CFDP1: variants seen among roughly 807,000 people sequenced by gnomAD.
CFDP1 encodes heterochromatin-stabilizing protein CFDP1.
CFDP1 carries 31 observed loss-of-function variants against 40.1 expected under a neutral mutation model. The observed-to-expected ratio is 0.77, with a 90% CI of 0.58 to 1.04. The LOEUF (loss-of-function observed/expected upper bound fraction) is 1.04. Among genes scored for constraint, CFDP1 ranks in the 50% least tolerant of loss-of-function variants. The pLI, the probability that CFDP1 is intolerant of heterozygous loss-of-function variation, is 0.00. For missense variants in CFDP1, 423 were observed against 343.4 expected (o/e 1.23, Z -1.83); for synonymous variants, 167 against 120.0 (o/e 1.39, Z -2.56).
chr16:75,364,794 C>T (rs572634761), intron 5 of CFDP1, among the ~76,000 whole-genome samples: 55 of 152,272 alleles, frequency 3.6e-4, no homozygotes, highest in African/African-American at 1.3e-3. Context: ...TTAATTTCTA[C>T]TACTGTAAAT....
intron 1 of CFDP1, among the ~76,000 whole-genome samples, chr16:75,424,459 G>A (rs2079311696): frequency 6.6e-6 from 1 of 152,162 alleles, no homozygotes; most frequent in African/African-American, 2.4e-5. Context: ...TCCCCCTTAA[G>A]ATTGGGAAAA....
At chr16:75,397,155 C>T (rs532465692) in intron 4 of CFDP1, among the ~76,000 whole-genome samples, 1 of 151,812 alleles carries the variant, frequency 6.6e-6, no homozygotes, top group Admixed American at 6.5e-5. Flanking sequence ...ACCTTGTGAT[C>T]TGCCCGCCTT....
chr16:75,397,307 G>C (rs1443681546), intron 4 of CFDP1, among the ~76,000 whole-genome samples: 3 of 151,530 alleles, frequency 2.0e-5, no homozygotes, highest in Non-Finnish European at 4.4e-5. Context: ...TTGAGGTCAG[G>C]AGTTCGAGAC....
At chr16:75,338,246 A>G (rs989903782) in intron 5 of CFDP1, among the ~76,000 whole-genome samples, 68 of 152,124 alleles carry the variant, frequency 4.5e-4, no homozygotes, top group Admixed American at 4.0e-3. Flanking sequence ...CATGGGGGGG[A>G]AAAAGAGCCT....
At chr16:75,370,730 C>T (rs944520665) in intron 5 of CFDP1, among the ~76,000 whole-genome samples, 2 of 152,046 alleles carry the variant, frequency 1.3e-5, no homozygotes, top group African/African-American at 2.4e-5. Context: ...GGTGTGGTGG[C>T]ATGTGCCTGT....
At chr16:75,318,070 G>T (rs904316734) in intron 5 of CFDP1, among the ~76,000 whole-genome samples, 12 of 152,046 alleles carry the variant, frequency 7.9e-5, no homozygotes, top group African/African-American at 2.9e-4. Flanking sequence ...GCAGTGTGCC[G>T]AGATCGCGCC....
At chr16:75,402,333 A>T (rs4888409) in intron 4 of CFDP1, among the ~76,000 whole-genome samples, 78,770 of 152,012 alleles carry the variant, frequency 0.52, 21,486 homozygotes, top group Admixed American at 0.64. Context: ...AAAGTCTTTA[A>T]TTGGGCAGAA....
chr16:75,346,083 G>T (rs1264718322), intron 5 of CFDP1, among the ~76,000 whole-genome samples: 4 of 152,228 alleles, frequency 2.6e-5, no homozygotes, highest in African/African-American at 9.6e-5. Context: ...TACTCCCAAT[G>T]CATCTCCCAT....
At chr16:75,381,081 A>C (rs1378997017) in intron 5 of CFDP1, 1 of 152,228 alleles carries the variant, frequency 6.6e-6, no homozygotes, top group Admixed American at 6.5e-5. Context: ...TACAGACTTT[A>C]TGTAAACTTA....
intron 1 of CFDP1, among the ~76,000 whole-genome samples, chr16:75,428,254 T>G (rs368615464): frequency 6.6e-6 from 1 of 152,026 alleles, no homozygotes; most frequent in African/African-American, 2.4e-5. Context: ...TTTTATTGTA[T>G]GTAAGTTAAA....
At chr16:75,346,457 C>CT (rs374487781) in intron 5 of CFDP1, among the ~76,000 whole-genome samples, 287 of 151,612 alleles carry the variant, frequency 1.9e-3, no homozygotes, top group African/African-American at 6.3e-3. Context: ...GTGGTGGGTG[C>CT]TTGTAGTCCC....
intron 5 of CFDP1, among the ~76,000 whole-genome samples, chr16:75,364,121 AAAACAAAAC>A (rs1273301599): frequency 6.6e-6 from 1 of 152,080 alleles, no homozygotes; most frequent in African/African-American, 2.4e-5. Flanking sequence ...TGAAATTAAA[AAAACAAAAC>A]AAAACAAAAC....
At chr16:75,399,809 T>G (rs1179800458) in intron 4 of CFDP1, among the ~76,000 whole-genome samples, 1 of 151,944 alleles carries the variant, frequency 6.6e-6, no homozygotes, top group East Asian at 1.9e-4. Context: ...TACAAAAAAT[T>G]TTTTAAAATC....
At chr16:75,373,636 A>G (rs2151541776) in intron 5 of CFDP1, among the ~76,000 whole-genome samples, 1 of 152,288 alleles carries the variant, frequency 6.6e-6, no homozygotes, top group Non-Finnish European at 1.5e-5. Context: ...TTGCTTCCCT[A>G]AAGACTGTAT....
intron 5 of CFDP1, among the ~76,000 whole-genome samples, chr16:75,332,405 C>CAGTG (rs2078452696): frequency 6.6e-6 from 1 of 152,036 alleles, no homozygotes; most frequent in South Asian, 2.1e-4. Context: ...GTGGAAGTTG[C>CAGTG]AGTGAGCAGA....
intron 1 of CFDP1, among the ~76,000 whole-genome samples, 160 bp downstream of exon 1, chr16:75,433,129 G>T (rs2079444779): frequency 6.6e-6 from 1 of 152,186 alleles, no homozygotes; most frequent in African/African-American, 2.4e-5. Context: ...CCTCGGGCCG[G>T]AGCGGCCGAG....
chr16:75,305,965 C>A (rs1045354552), intron 5 of CFDP1, among the ~76,000 whole-genome samples: 2 of 152,138 alleles, frequency 1.3e-5, no homozygotes, highest in African/African-American at 4.8e-5. Flanking sequence ...AAATTCAAGT[C>A]TTGGCAGGTC....
At chr16:75,402,639 G>C (rs2079065244) in intron 4 of CFDP1, among the ~76,000 whole-genome samples, 1 of 152,122 alleles carries the variant, frequency 6.6e-6, no homozygotes, top group Non-Finnish European at 1.5e-5. Context: ...ATTTCTTGAA[G>C]ATGTAGTAAT....
intron 1 of CFDP1, among the ~76,000 whole-genome samples, chr16:75,423,208 G>A (rs1003151823): frequency 2.7e-5 from 4 of 150,870 alleles, no homozygotes; most frequent in Non-Finnish European, 4.4e-5. Context: ...GTGAACCCGG[G>A]AGGCAGGGCT....
Sources: allele counts gnomAD v4.1 joint callset (sites outside exome capture counted in the v4.1 genomes callset), GRCh38; gene constraint gnomAD v4.1.1; transcripts MANE v1.5; gene names NCBI Gene and HGNC (gene_info 2026-07-23, HGNC 2026-07-21).